BARD1: variants seen among roughly 807,000 people sequenced by gnomAD.
BARD1 encodes BRCA1 associated RING domain 1, also known as BRCA1-associated RING domain protein 1.
In BARD1, 73 loss-of-function variants were observed where a neutral mutation model predicts 77.0. The ratio of observed to expected loss-of-function variants is 0.95; its 90% CI spans 0.79 to 1.15. The LOEUF is 1.15. Ranked by LOEUF, BARD1 falls within the 50% of genes most tolerant of loss-of-function variation. BARD1 has a pLI of 0.00. For missense variants in BARD1, 993 were observed against 938.8 expected (o/e 1.06, Z -0.75); for synonymous variants, 384 against 338.0 (o/e 1.14, Z -1.49).
At chr2:214,750,777 C>A (rs1203308554) in intron 7 of BARD1, among the ~76,000 whole-genome samples, 8 of 152,130 alleles carry the variant, frequency 5.3e-5, no homozygotes, top group Non-Finnish European at 1.0e-4. Flanking sequence ...ACTGTCATAT[C>A]TAGAATTGTG....
intron 3 of BARD1, 78 bp from the exon 4 acceptor site, chr2:214,781,587 A>G (rs559369306): frequency 3.9e-5 from 45 of 1,142,802 alleles, no homozygotes; most frequent in Non-Finnish European, 5.5e-5. Context: ...AATTTTGTTT[A>G]CAGTTCCCCT....
intron 7 of BARD1, among the ~76,000 whole-genome samples, chr2:214,747,792 CACATGTAT>C (rs1384762326): frequency 1.3e-5 from 2 of 150,606 alleles, no homozygotes; most frequent in Non-Finnish European, 3.0e-5. Context: ...ACCAACATGA[CACATGTAT>C]ACATATGTAA....
In BARD1 at chr2:214,802,519, T is replaced by G. The variant is rs141571293; in HGVS notation, c.159-5402A>C. ...GTATTTTAACTTCCTGATTTTCTAT[T>G]TCTCTTGTCTTGAAATTAGACTCCA... On this transcript the variant is annotated intron_variant, in intron 1 of 10. Coordinates refer to ENST00000260947, the MANE Select transcript of BARD1 (RefSeq NM_000465.4). 4.5e-4 allele frequency among the ~76,000 whole-genome samples: 69 copies of G among 152,296 alleles called. 1 individual carries two copies. Among genetic ancestry groups the G allele is most frequent in the Admixed American group, 3.1e-3 (47 of 15,292 alleles).
At chr2:214,780,531 G>A (rs71579845) in intron 4 of BARD1, 29 bp downstream of exon 4, 2 of 1,596,912 alleles carry the variant, frequency 1.3e-6, no homozygotes, top group South Asian at 2.2e-5. Flanking sequence ...GCCTCATTCT[G>A]AGATGGTATT....
chr2:214,768,146 C>G (rs556764977), intron 5 of BARD1, among the ~76,000 whole-genome samples: 1 of 152,090 alleles, frequency 6.6e-6, no homozygotes, highest in Non-Finnish European at 1.5e-5. Flanking sequence ...AGAAATAACA[C>G]GAGTAGGAAT....
intron 7 of BARD1, among the ~76,000 whole-genome samples, chr2:214,749,669 G>T (rs955244641): frequency 2.0e-5 from 3 of 152,078 alleles, no homozygotes; most frequent in Admixed American, 6.6e-5. Context: ...AAGTACAAAT[G>T]AAGAAAACAA....
At chr2:214,767,376 G>A (rs1303269109) in intron 6 of BARD1, 106 bp downstream of exon 6, 2 of 1,103,148 alleles carry the variant, frequency 1.8e-6, no homozygotes, top group Non-Finnish European at 2.7e-6. Context: ...AGTTGTGAAA[G>A]TGAAGAAAGC....
At chr2:214,783,154 T>C (rs146162289) in intron 3 of BARD1, among the ~76,000 whole-genome samples, 38 of 152,238 alleles carry the variant, frequency 2.5e-4, no homozygotes, top group African/African-American at 6.7e-4. Flanking sequence ...GCCCTCTGTA[T>C]ACTTGGGTTT....
intron 1 of BARD1, among the ~76,000 whole-genome samples, chr2:214,800,319 G>T (rs1483411345): frequency 6.6e-6 from 1 of 152,218 alleles, no homozygotes; most frequent in Admixed American, 6.5e-5. Context: ...TGAATGAGAA[G>T]TATGTGCACT....
intron 5 of BARD1, 41 bp from the exon 6 acceptor site, chr2:214,767,695 G>C: frequency 6.4e-7 from 1 of 1,570,404 alleles, no homozygotes; most frequent in Non-Finnish European, 8.8e-7. Context: ...GAAGTGATAA[G>C]AAAGAGCAAT....
At chr2:214,772,515 AAGGGAAT>A in intron 4 of BARD1, among the ~76,000 whole-genome samples, 1 of 152,210 alleles carries the variant, frequency 6.6e-6, no homozygotes, top group East Asian at 1.9e-4. Context: ...GAAGAGTCTC[AAGGGAAT>A]AGTCAAACAG....
chr2:214,802,566 A>T (rs912451312), intron 1 of BARD1, among the ~76,000 whole-genome samples: 5 of 151,962 alleles, frequency 3.3e-5, no homozygotes, highest in African/African-American at 9.7e-5. Flanking sequence ...AGAGATCTTA[A>T]CTTTCATTTT....
chr2:214,732,457 G>A (rs1346638472), intron 9 of BARD1, among the ~76,000 whole-genome samples: 1 of 150,982 alleles, frequency 6.6e-6, no homozygotes, highest in Non-Finnish European at 1.5e-5. Context: ...GCGCAGTGGC[G>A]CAATCTCGGC....
chr2:214,787,620 C>G (rs1479850980), intron 3 of BARD1, among the ~76,000 whole-genome samples: 1 of 151,942 alleles, frequency 6.6e-6, no homozygotes, highest in Non-Finnish European at 1.5e-5. Flanking sequence ...GGTCCTTCCT[C>G]TGCACAGAAA....
intron 9 of BARD1, among the ~76,000 whole-genome samples, chr2:214,736,272 G>A (rs1367919509): frequency 6.6e-6 from 1 of 152,042 alleles, no homozygotes; most frequent in African/African-American, 2.4e-5. Flanking sequence ...CTGGAATTAT[G>A]TCATATATTG....
chr2:214,805,124 G>A (rs896118854), intron 1 of BARD1, among the ~76,000 whole-genome samples: 4 of 152,100 alleles, frequency 2.6e-5, no homozygotes, highest in Non-Finnish European at 5.9e-5. Context: ...TCACACCACC[G>A]CACTCCAGCC....
intron 1 of BARD1, among the ~76,000 whole-genome samples, chr2:214,805,946 C>A (rs1248313261): frequency 6.6e-6 from 1 of 152,188 alleles, no homozygotes; most frequent in Non-Finnish European, 1.5e-5. Context: ...CCTGGGGCTT[C>A]TACACTGCAG....
chr2:214,792,371 ATCTTCAAG>A lies in BARD1; in HGVS notation c.282_289del (p.Leu95LysfsTer2). On this transcript the variant is annotated frameshift_variant, in exon 3 of 11. Transcript: ENST00000260947. LOFTEE classifies it high-confidence loss of function. ...AATCATGCTGTCCAGTTGTCTATTT[ATCTTCAAG>A]TCTTGTATCCAGGCCGGGGTGTAAC... The A allele has an allele frequency of 2.5e-6, 4 of 1,613,094 alleles. No homozygotes were observed. Among genetic ancestry groups the A allele is most frequent in the Admixed American group, 1.7e-5 (1 of 59,834 alleles).
chr2:214,737,141 T>C (rs951501734), intron 9 of BARD1, among the ~76,000 whole-genome samples: 2 of 151,988 alleles, frequency 1.3e-5, no homozygotes, highest in Admixed American at 6.6e-5. Context: ...AAAAGCCAGG[T>C]AGATTACATA....
Sources: allele counts gnomAD v4.1 joint callset (sites outside exome capture counted in the v4.1 genomes callset), GRCh38; gene constraint gnomAD v4.1.1; transcripts MANE v1.5; gene names NCBI Gene and HGNC (gene_info 2026-07-23, HGNC 2026-07-21).